The following ERC1 variants were observed in gnomAD, a reference collection of about 807,000 sequenced individuals.
ERC1 encodes the protein RAB6 interacting protein 2.
A neutral mutation model predicts 132.0 loss-of-function variants in ERC1; 56 were observed. The ratio of observed to expected loss-of-function variants is 0.42; its 90% CI spans 0.34 to 0.53. ERC1 has a LOEUF of 0.53. Ranked by LOEUF, ERC1 falls within the 20% of genes least tolerant of loss-of-function variation. The pLI, the probability that ERC1 is intolerant of heterozygous loss-of-function variation, is 0.03. For synonymous variants in ERC1, 478 were observed against 476.1 expected (o/e 1.00, Z -0.05); for missense variants, 1,202 against 1,349.9 (o/e 0.89, Z 1.72).
rs1339090726 is a variant in ERC1 at position 1,104,757 on chromosome 12, A to G, written c.1094A>G (p.His365Arg). The G allele has an allele frequency of 6.2e-7, 1 of 1,611,928 alleles. No homozygotes were observed. The highest frequency in any genetic ancestry group is 1.7e-5 in the Admixed American group (1 of 60,016). Reference protein sequence around the residue: ...KENSMLREEMHRRFENAPDSA... With the variant: ...KENSMLREEMRRRFENAPDSA... ...TCTGCCTCTTTTCTACAGGAGATGC[A>G]TCGAAGGTTTGAGAATGCTCCTGAT... Residue 365 changes from histidine to arginine, a missense_variant, in exon 4 of 19, where the codon CAT becomes CGT. Physicochemically the swap from His to Arg is conservative, Grantham distance 29. Coordinates refer to ENST00000360905, the MANE Select transcript of ERC1 (RefSeq NM_178040.4).
intron 12 of ERC1, among the ~76,000 whole-genome samples, chr12:1,231,866 A>G (rs1261636599): frequency 6.6e-6 from 1 of 152,078 alleles, no homozygotes; most frequent in Non-Finnish European, 1.5e-5. Flanking sequence ...CCGCCTCCCA[A>G]GTAGCTGGGA....
chr12:1,463,301 T>C (rs1442048521), intron 18 of ERC1, among the ~76,000 whole-genome samples: 1 of 152,190 alleles, frequency 6.6e-6, no homozygotes, highest in African/African-American at 2.4e-5. Flanking sequence ...GACATGACAG[T>C]TCATTTTTCC....
chr12:1,426,102 ATT>A (rs200517286), intron 17 of ERC1, among the ~76,000 whole-genome samples: 5,592 of 138,604 alleles, frequency 0.04, 153 homozygotes, highest in African/African-American at 0.087. Context: ...GAGTTTTTAG[ATT>A]TTTTTTTTTT....
intron 15 of ERC1, among the ~76,000 whole-genome samples, chr12:1,332,463 T>C (rs576123144): frequency 6.6e-6 from 1 of 152,378 alleles, no homozygotes; most frequent in East Asian, 1.9e-4. Context: ...TGTCCCTTCA[T>C]GTTTAAGGAG....
chr12:1,084,852 T>A (rs955963955), intron 3 of ERC1, among the ~76,000 whole-genome samples: 3 of 151,930 alleles, frequency 2.0e-5, no homozygotes, highest in African/African-American at 7.3e-5. Context: ...CCACCATGCA[T>A]TGTTAATTTT....
chr12:998,601 A>C (rs928195932), intron 1 of ERC1: 1 of 152,202 alleles, frequency 6.6e-6, no homozygotes, highest in Non-Finnish European at 1.5e-5. Flanking sequence ...TTATCTTGGA[A>C]GTGATGTGGT....
At chr12:1,176,308 TGAAAG>T (rs1197175446) in intron 8 of ERC1, among the ~76,000 whole-genome samples, 1 of 152,238 alleles carries the variant, frequency 6.6e-6, no homozygotes, top group African/African-American at 2.4e-5. Flanking sequence ...AGTAATATTT[TGAAAG>T]GAATCTTTTT....
intron 18 of ERC1, among the ~76,000 whole-genome samples, chr12:1,488,094 C>T (rs112407099): frequency 0.043 from 6,371 of 148,486 alleles, 454 homozygotes; most frequent in African/African-American, 0.15. Flanking sequence ...GCTGAGATCG[C>T]GCCACTGCAC....
At chr12:1,223,408 G>C (rs113482845) in intron 12 of ERC1, among the ~76,000 whole-genome samples, 72 of 152,332 alleles carry the variant, frequency 4.7e-4, no homozygotes, top group African/African-American at 1.4e-3. Context: ...TGTGCATTTA[G>C]TGTGTATTCA....
intron 9 of ERC1, 49 bp from the exon 10 acceptor site, chr12:1,181,876 A>G (rs750281499): frequency 3.2e-6 from 5 of 1,569,914 alleles, no homozygotes; most frequent in Middle Eastern, 1.7e-4. Flanking sequence ...TTACAGTCAT[A>G]TAAGTGCAAA....
At chr12:1,341,258 T>A (rs575578281) in intron 15 of ERC1, among the ~76,000 whole-genome samples, 1 of 151,866 alleles carries the variant, frequency 6.6e-6, no homozygotes, top group South Asian at 2.1e-4. Context: ...CAAGCCCGGC[T>A]AATCTGTTTT....
intron 18 of ERC1, among the ~76,000 whole-genome samples, chr12:1,479,333 T>C (rs532531510): frequency 2.0e-5 from 3 of 152,310 alleles, no homozygotes; most frequent in Admixed American, 1.3e-4. Context: ...AGTTTTGATA[T>C]GGCTTGCATC....
chr12:1,252,841 C>T (rs1193933611), intron 13 of ERC1, among the ~76,000 whole-genome samples: 2 of 152,106 alleles, frequency 1.3e-5, no homozygotes, highest in African/African-American at 4.8e-5. Context: ...CACAAAGCAT[C>T]TGAGAAGTTG....
At chr12:1,138,975 TGA>T (rs1949617536) in intron 7 of ERC1, among the ~76,000 whole-genome samples, 1 of 152,132 alleles carries the variant, frequency 6.6e-6, no homozygotes, top group African/African-American at 2.4e-5. Context: ...CACATTGCCG[TGA>T]GAGAGTGTGA....
At chr12:1,196,959 C>T (rs866057755) in intron 12 of ERC1, among the ~76,000 whole-genome samples, 1,437 of 18,806 alleles carry the variant, frequency 0.076, 47 homozygotes, top group Middle Eastern at 0.14. Context: ...CACACACACA[C>T]ACATATATAT....
chr12:1,127,006 A>AAAAAAAAAAAAAAAAAAAAAC (rs1566033013), intron 7 of ERC1, among the ~76,000 whole-genome samples: 1 of 149,752 alleles, frequency 6.7e-6, no homozygotes, highest in African/African-American at 2.5e-5. Flanking sequence ...AAAAAAAAAA[A>AAAAAAAAAAAAAAAAAAAAAC]AAAAAAACCT....
At position 1,491,630 on chromosome 12, in the gene ERC1, C is replaced by A; in HGVS notation, c.*1400C>A. 1 of 229,848 alleles carries A rather than the reference C, an allele frequency of 4.4e-6. No homozygotes were observed. Among genetic ancestry groups the A allele is most frequent in the Non-Finnish European group, 8.6e-6 (1 of 115,984 alleles). The allele number at this position is 229,848 out of a possible 1,614,324, so 14.2% of individuals were successfully genotyped here. On this transcript the variant is annotated 3_prime_UTR_variant, in exon 19 of 19. Coordinates refer to ENST00000360905, the MANE Select transcript of ERC1 (RefSeq NM_178040.4). ...AGTCACCCGCTTGCCTGTAGGATTC[C>A]ATTTGATGATTCTGGATTTTTGCTG...
chr12:1,241,410 T>C (rs2154306194), intron 13 of ERC1, among the ~76,000 whole-genome samples: 1 of 152,324 alleles, frequency 6.6e-6, no homozygotes, highest in South Asian at 2.1e-4. Flanking sequence ...TGATGATTGT[T>C]ACATATTTTT....
chr12:1,393,809 C>T lies in ERC1; in HGVS notation c.2926-14340C>T, dbSNP rs562244463. Among the ~76,000 whole-genome samples the T allele has an allele frequency of 2.6e-3, 386 of 151,054 alleles. 1 individual carries two copies. The highest frequency in any genetic ancestry group is 0.021 in the Middle Eastern group (6 of 292). Reference sequence around the variant, plus strand: ...TTGGGAGGCCGGGGCGGGCAGATCACGAGGTCAGGAGATTGAGACCACGGT... The same window carrying T: ...TTGGGAGGCCGGGGCGGGCAGATCATGAGGTCAGGAGATTGAGACCACGGT... On this transcript the variant is annotated intron_variant, in intron 16 of 18. Coordinates refer to ENST00000360905, the MANE Select transcript of ERC1 (RefSeq NM_178040.4).
Sources: gnomAD v4.1 joint callset for allele counts (sites outside exome capture counted in the v4.1 genomes callset) on GRCh38, gnomAD v4.1.1 for gene constraint, MANE v1.5 for transcripts, NCBI Gene and HGNC (gene_info 2026-07-23, HGNC 2026-07-21) for gene names.